Variants in NTRK2 observed in about 807,000 individuals in gnomAD.
NTRK2 encodes neurotrophic receptor tyrosine kinase 2, also known as BDNF/NT-3 growth factors receptor.
A neutral mutation model predicts 94.5 loss-of-function variants in NTRK2; 13 were observed. The observed-to-expected ratio is 0.14, with a 90% CI of 0.09 to 0.22. The LOEUF is 0.22. NTRK2 is among the 10% of genes least tolerant of loss of function. The pLI is 1.00. For missense variants in NTRK2, 639 were observed against 1,071.2 expected, an observed-to-expected ratio of 0.60 and a Z score of 5.63; for synonymous variants, 372 against 407.4, an observed-to-expected ratio of 0.91 and a Z score of 1.05.
intron 14 of NTRK2, among the ~76,000 whole-genome samples, chr9:84,882,719 T>TGTGTGTGTGTGTGTGCGCGCGC (rs761042296): frequency 6.9e-6 from 1 of 145,742 alleles, no homozygotes; most frequent in African/African-American, 2.6e-5. Context: ...TGTGTGTGTG[T>TGTGTGTGTGTGTGTGCGCGCGC]GCGCGCGCGC....
chr9:84,697,963 TTTC>T (rs1802984533), intron 2 of NTRK2, among the ~76,000 whole-genome samples: 1 of 152,218 alleles, frequency 6.6e-6, no homozygotes, highest in African/African-American at 2.4e-5. Context: ...TTGCTGTCTC[TTTC>T]TTTTCTTTTT....
intron 14 of NTRK2, among the ~76,000 whole-genome samples, chr9:84,870,331 G>GTGTGTGTATATATATAGATA (rs1349303529): frequency 3.2e-5 from 1 of 31,176 alleles, no homozygotes; most frequent in Non-Finnish European, 6.8e-5. Flanking sequence ...GTGTGTGTGT[G>GTGTGTGTATATATATAGATA]TATATATATA....
At position 84,955,432 on chromosome 9, in the gene NTRK2, G is replaced by A. The variant is rs2132977303; in HGVS notation, c.2087G>A (p.Arg696Lys). ...QHFVHRDLAT[R>K]NCLVGENLLV... is the part of the protein sequence containing the mutation. ...TTCGTGCACCGCGATTTGGCCACCA[G>A]GAACTGCCTGGTCGGGGAGAACTTG... Residue 696 changes from arginine (R) to lysine (K), a missense_variant, in exon 17 of 19, where the codon AGG becomes AAG. Arg to Lys is a conservative substitution (Grantham distance 26, BLOSUM62 2). Coordinates refer to ENST00000277120, the MANE Select transcript of NTRK2 (RefSeq NM_006180.6). 1 of 1,614,272 alleles carries A rather than the reference G, an allele frequency of 6.2e-7. No individual in the cohort carries two copies. Among genetic ancestry groups the A allele is most frequent in the Non-Finnish European group, 8.5e-7 (1 of 1,180,052 alleles).
At position 84,903,180 on chromosome 9, in the gene NTRK2, G is replaced by A. The variant is rs144512337; in HGVS notation, c.1634-30982G>A. Among the ~76,000 whole-genome samples, 20 of 152,312 alleles carry A rather than the reference G, an allele frequency of 1.3e-4. No individual in the cohort carries two copies. In the East Asian group the frequency reaches 3.1e-3, roughly 24 times the overall value. On this transcript the variant is annotated intron_variant, in intron 14 of 18. Coordinates refer to ENST00000277120, the MANE Select transcript of NTRK2 (RefSeq NM_006180.6). ...GGCTATGAAATAATACAGTGCAGAT[G>A]GAACATTTCCATCACTGCAGAAAGG...
chr9:84,938,902 G>A (rs1017654468), intron 15 of NTRK2, among the ~76,000 whole-genome samples: 6 of 151,632 alleles, frequency 4.0e-5, no homozygotes, highest in African/African-American at 1.5e-4. Context: ...AATACAAAAA[G>A]TTAGCTGAGT....
In NTRK2 at chr9:84,707,904, G is replaced by A. The variant is rs150692457; in HGVS notation, c.420G>A (p.Leu140=). 4.0e-5 allele frequency: 64 copies of A among 1,612,412 alleles called. No homozygotes were observed. The highest frequency in any genetic ancestry group is 1.8e-4 in the South Asian group (16 of 90,948). The change falls in exon 5 of 19, where the codon TTG becomes TTA. Residue 140 remains leucine (L), a synonymous_variant. Coordinates refer to ENST00000277120, the MANE Select transcript of NTRK2 (RefSeq NM_006180.6). ...GGAAACATTTCCGTCACCTTGACTT[G>A]TCTGAACTGTAAGTAATGATTTTGT... ...LSRKHFRHLD[L]SELILVGNPF... is the part of the protein sequence containing the mutation.
rs577016310 is a variant in NTRK2, at chr9:84,989,593, A to G, written c.2173-30613A>G. On this transcript the variant is annotated intron_variant, in intron 17 of 18. Coordinates refer to ENST00000277120, the MANE Select transcript of NTRK2 (RefSeq NM_006180.6). ...CCACTTTTTTCAAGAACTGCTGAAC[A>G]GCATATATAATTTCAGACCCACCCT... 9.3e-4 allele frequency among the ~76,000 whole-genome samples: 141 copies of G among 152,352 alleles called. 1 individual carries two copies. The highest frequency in any genetic ancestry group is 3.3e-3 in the African/African-American group (137 of 41,590).
chr9:84,896,392 C>A (rs2076759532), intron 14 of NTRK2, among the ~76,000 whole-genome samples: 1 of 152,136 alleles, frequency 6.6e-6, no homozygotes, highest in African/African-American at 2.4e-5. Flanking sequence ...ATGAGGACAG[C>A]CTGCACATAC....
chr9:84,833,654 G>A (rs1169429522), intron 12 of NTRK2, among the ~76,000 whole-genome samples: 5 of 151,966 alleles, frequency 3.3e-5, no homozygotes, highest in East Asian at 3.9e-4. Flanking sequence ...AGGGAGGCAG[G>A]GGAGGGAGGG....
intron 14 of NTRK2, among the ~76,000 whole-genome samples, chr9:84,913,012 T>C (rs1015985576): frequency 1.3e-5 from 2 of 152,222 alleles, no homozygotes; most frequent in African/African-American, 4.8e-5. Context: ...TATCTTTTAA[T>C]TGGTGCATTC....
In NTRK2 at chr9:84,788,265, A is replaced by C. The variant is rs2068327663; in HGVS notation, c.1396+36180A>C. Among the ~76,000 whole-genome samples, 5 of 152,186 alleles carry C rather than the reference A, an allele frequency of 3.3e-5. No homozygotes were observed. The South Asian group carries it at 8.3e-4, about 25-fold the overall frequency. On this transcript the variant is annotated intron_variant, in intron 12 of 18. Coordinates refer to ENST00000277120, the MANE Select transcript of NTRK2 (RefSeq NM_006180.6). ...TGAAAATGAAATTTTAAAAATTGGG[A>C]AAATAGGAGGAAAATGAAAATGAAA...
chr9:84,939,735 A>C (rs2078339872), intron 15 of NTRK2, among the ~76,000 whole-genome samples: 1 of 152,110 alleles, frequency 6.6e-6, no homozygotes, highest in Non-Finnish European at 1.5e-5. Context: ...AGAAAAAAAG[A>C]ATTTATTGGC....
chr9:84,971,615 T>C (rs1345622410), intron 17 of NTRK2, among the ~76,000 whole-genome samples: 1 of 152,152 alleles, frequency 6.6e-6, no homozygotes, highest in African/African-American at 2.4e-5. Context: ...AACCCAGCTG[T>C]AGAAGCAGAA....
At chr9:84,723,479 T>C (rs1452242406) in intron 6 of NTRK2, 94 bp from the exon 7 acceptor site, 3 of 1,433,166 alleles carry the variant, frequency 2.1e-6, no homozygotes, top group Admixed American at 3.5e-5. Context: ...AAGATTGATT[T>C]TTAAAGCATA....
Position 84,934,312 on chromosome 9 carries a change from T to G in NTRK2, c.1764+20T>G. On this transcript the variant is annotated intron_variant, in intron 15 of 18. Transcript: ENST00000277120. ...GTGAAGGTAAGAGAACATTCCAGAATGTCTCATTAACCATGATCACACTTA... is the reference window on the plus strand; with the variant it reads ...GTGAAGGTAAGAGAACATTCCAGAAGGTCTCATTAACCATGATCACACTTA... The G allele has an allele frequency of 6.2e-7, 1 of 1,613,630 alleles. No homozygotes were observed. Among genetic ancestry groups the G allele is most frequent in the South Asian group, 1.1e-5 (1 of 91,064 alleles).
At chr9:84,757,395 A>G (rs995627897) in intron 12 of NTRK2, among the ~76,000 whole-genome samples, 1 of 152,194 alleles carries the variant, frequency 6.6e-6, no homozygotes, top group Non-Finnish European at 1.5e-5. Context: ...AGGAAATTAT[A>G]ATACCAGTCT....
At chr9:84,908,918 C>G (rs537190851) in intron 14 of NTRK2, among the ~76,000 whole-genome samples, 1 of 152,298 alleles carries the variant, frequency 6.6e-6, no homozygotes, top group South Asian at 2.1e-4. Context: ...ATAACACAAA[C>G]AGAGCCCATG....
intron 12 of NTRK2, among the ~76,000 whole-genome samples, chr9:84,796,454 G>A (rs1308042192): frequency 1.3e-5 from 2 of 152,168 alleles, no homozygotes. Context: ...CTGGGAAAAA[G>A]TATATTGGAT....
intron 12 of NTRK2, chr9:84,812,123 C>G: frequency 9.4e-7 from 1 of 1,059,210 alleles, no homozygotes; most frequent in Admixed American, 5.4e-5. Context: ...AGATTTTTAA[C>G]TAGTCCAACA....
Sources: gnomAD v4.1 joint callset for allele counts (sites outside exome capture counted in the v4.1 genomes callset) on GRCh38, gnomAD v4.1.1 for gene constraint, MANE v1.5 for transcripts, NCBI Gene and HGNC (gene_info 2026-07-23, HGNC 2026-07-21) for gene names.